The following GARRE1 variants were observed in gnomAD, a reference collection of about 807,000 sequenced individuals.
The protein encoded by GARRE1 is granule associated Rac and RHOG effector 1.
In GARRE1, 49 loss-of-function variants were observed where a neutral mutation model predicts 103.2. The observed-to-expected ratio is 0.47, with a 90% CI of 0.38 to 0.60. The LOEUF is 0.60. Among genes scored for constraint, GARRE1 ranks in the 20% least tolerant of loss-of-function variants. The probability of loss-of-function intolerance (pLI) is 0.00; values close to 1 mark genes in which losing one functional copy is unlikely to be tolerated. For synonymous variants in GARRE1, 505 were observed against 532.8 expected (o/e 0.95, Z 0.72); for missense variants, 1,199 against 1,370.5 (o/e 0.87, Z 1.98).
intron 3 of GARRE1, among the ~76,000 whole-genome samples, chr19:34,326,817 C>G (rs1263420205): frequency 6.6e-6 from 1 of 151,042 alleles, no homozygotes; most frequent in Non-Finnish European, 1.5e-5. Context: ...ATATATATAA[C>G]AAATAACAAG....
rs1293501774 is a variant in GARRE1, at chr19:34,279,153, C to T, written c.-795-20526C>T. On this transcript the variant is annotated intron_variant, in intron 1 of 13. Coordinates refer to ENST00000299505, the MANE Select transcript of GARRE1 (RefSeq NM_014686.5). ...CTTTCAGTTCTTTTGGGTAGATGCA[C>T]AGAAGTGGATTTCCTGAATCACATG... Among the ~76,000 whole-genome samples, 22 of 152,284 alleles carry T rather than the reference C, an allele frequency of 1.4e-4. No homozygotes were observed. The East Asian group carries it at 3.7e-3, about 25-fold the overall frequency.
intron 13 of GARRE1, 138 bp from the exon 14 acceptor site, chr19:34,352,509 T>A (rs2074243735): frequency 1.4e-6 from 1 of 699,300 alleles, no homozygotes; most frequent in East Asian, 2.5e-5. Flanking sequence ...TGCAAGAAGT[T>A]CTGTTGGACA....
At chr19:34,311,511 A>G (rs1171450632) in intron 2 of GARRE1, among the ~76,000 whole-genome samples, 2 of 152,180 alleles carry the variant, frequency 1.3e-5, no homozygotes, top group Non-Finnish European at 1.5e-5. Flanking sequence ...GCAGAAAGCT[A>G]GGAAGTGGGC....
At chr19:34,296,188 T>C (rs1258522455) in intron 1 of GARRE1, 8 of 394,446 alleles carry the variant, frequency 2.0e-5, no homozygotes, top group Non-Finnish European at 3.6e-5. Context: ...TTTGTACAAA[T>C]AGCACAGGAG....
Position 34,296,451 on chromosome 19 carries a change from T to C in GARRE1, c.-795-3228T>C, listed in dbSNP as rs184894959. ...CTTCCCAAGCTTGGGGTGGGCAATG[T>C]AGGCAAGTCGATCGAGCTTGTGGCT... On this transcript the variant is annotated intron_variant, in intron 1 of 13. Coordinates refer to ENST00000299505, the MANE Select transcript of GARRE1 (RefSeq NM_014686.5). 7.7e-4 allele frequency: 1,220 copies of C among 1,591,560 alleles called. 1 individual carries two copies. Among genetic ancestry groups the C allele is most frequent in the Admixed American group, 1.2e-3 (73 of 59,974 alleles).
At chr19:34,292,466 C>T (rs535303100) in intron 1 of GARRE1, among the ~76,000 whole-genome samples, 13 of 152,260 alleles carry the variant, frequency 8.5e-5, no homozygotes, top group African/African-American at 2.9e-4. Flanking sequence ...GGACATATTT[C>T]TTCGTTTCTC....
intron 3 of GARRE1, among the ~76,000 whole-genome samples, chr19:34,322,506 A>C (rs2074093823): frequency 6.6e-6 from 1 of 151,934 alleles, no homozygotes; most frequent in Non-Finnish European, 1.5e-5. Context: ...TTTAATACTT[A>C]TTTCTTTCCA....
At chr19:34,276,749 A>G (rs1052857171) in intron 1 of GARRE1, among the ~76,000 whole-genome samples, 9 of 152,220 alleles carry the variant, frequency 5.9e-5, no homozygotes, top group Non-Finnish European at 1.3e-4. Flanking sequence ...AGCTTGCTAT[A>G]GCAGCCAGTT....
At chr19:34,261,930 G>T (rs745647180) in intron 1 of GARRE1, among the ~76,000 whole-genome samples, 5 of 152,014 alleles carry the variant, frequency 3.3e-5, no homozygotes, top group Non-Finnish European at 7.4e-5. Context: ...ACCCTTTGAT[G>T]TAGGTACTTA....
intron 13 of GARRE1, 49 bp from the exon 14 acceptor site, chr19:34,352,595 AATG>A (rs2074244251): frequency 6.7e-7 from 1 of 1,482,968 alleles, no homozygotes; most frequent in Non-Finnish European, 9.3e-7. Flanking sequence ...GGAGGTGGGA[AATG>A]ATGATACATT....
At position 34,300,218 on chromosome 19, in the gene GARRE1, TAA is replaced by T. The variant is rs912171972; in HGVS notation, c.-254_-253del. 32 of 411,164 alleles carry T rather than the reference TAA, an allele frequency of 7.8e-5. No individual in the cohort carries two copies. The highest frequency in any genetic ancestry group is 5.8e-4 in the African/African-American group (29 of 49,634). 25.5% of individuals were successfully genotyped at this position (411,164 alleles called of 1,614,324 possible). Reference sequence around the variant, plus strand: ...TCCTTTTAGTAAGAGAGTGGAATGCTAAACAGTTCTTATCCAGCATTTTGGAC... The same window carrying T: ...TCCTTTTAGTAAGAGAGTGGAATGCTACAGTTCTTATCCAGCATTTTGGAC... On this transcript the variant is annotated 5_prime_UTR_variant, in exon 2 of 14. The change abolishes the stop of an existing upstream ORF in the 5' untranslated region. Transcript: ENST00000299505.
At chr19:34,261,789 A>G (rs1410143021) in intron 1 of GARRE1, among the ~76,000 whole-genome samples, 6 of 152,152 alleles carry the variant, frequency 3.9e-5, no homozygotes, top group Admixed American at 2.0e-4. Context: ...AGTCCTTGAA[A>G]TAACTAATAA....
At chr19:34,324,329 G>T (rs2074102301) in intron 3 of GARRE1, among the ~76,000 whole-genome samples, 1 of 151,908 alleles carries the variant, frequency 6.6e-6, no homozygotes. Flanking sequence ...GCTCCTTACT[G>T]CTCCTGGCAC....
chr19:34,325,500 G>A (rs1016690222), intron 3 of GARRE1, among the ~76,000 whole-genome samples: 2 of 152,056 alleles, frequency 1.3e-5, no homozygotes, highest in Admixed American at 6.6e-5. Context: ...CAGCATTTCC[G>A]TCATGTCTAC....
In GARRE1 at chr19:34,256,739, T is replaced by G. The variant is rs1599741966; in HGVS notation, c.-796+2125T>G. 2.0e-5 allele frequency among the ~76,000 whole-genome samples: 3 copies of G among 152,296 alleles called. No individual in the cohort carries two copies. The East Asian group carries it at 5.8e-4, about 29-fold the overall frequency. ...ATGTTTGTAAGGGCTACTTACAAAG[T>G]TCATATTTACATTTTGTGTGTGCTT... On this transcript the variant is annotated intron_variant, in intron 1 of 13. Coordinates refer to ENST00000299505, the MANE Select transcript of GARRE1 (RefSeq NM_014686.5).
chr19:34,256,192 G>A (rs910941193), intron 1 of GARRE1, among the ~76,000 whole-genome samples: 1 of 151,452 alleles, frequency 6.6e-6, no homozygotes, highest in Non-Finnish European at 1.5e-5. Context: ...GACATATTTG[G>A]ACAATTTTTC....
intron 1 of GARRE1, among the ~76,000 whole-genome samples, chr19:34,266,238 T>A (rs1348452367): frequency 3.3e-5 from 5 of 152,202 alleles, no homozygotes; most frequent in Non-Finnish European, 7.3e-5. Flanking sequence ...GCGGGCCTGC[T>A]CTCTGGGGCT....
Position 34,352,855 on chromosome 19 carries a change from C to T in GARRE1, c.3113C>T (p.Pro1038Leu). 1 of 1,541,292 alleles carries T rather than the reference C, an allele frequency of 6.5e-7. No homozygotes were observed. The highest frequency in any genetic ancestry group is 8.9e-7 in the Non-Finnish European group (1 of 1,123,036). The change falls in exon 14 of 14, where the codon CCC (proline) becomes CTC (leucine). Residue 1038 changes from proline (P) to leucine (L), a missense_variant. By Grantham distance (98) the Pro-to-Leu change is moderately conservative. Transcript: ENST00000299505. ...AAAFSYVQTP[P>L]QPPPPPAHKA... ...GCCTTCTCCTATGTGCAGACCCCAC[C>T]CCAGCCCCCACCCCCACCAGCACAC...
chr19:34,284,190 G>T (rs1236768480), intron 1 of GARRE1, among the ~76,000 whole-genome samples: 6 of 143,444 alleles, frequency 4.2e-5, no homozygotes, highest in Non-Finnish European at 9.0e-5. Flanking sequence ...GAGTGCGGTG[G>T]TGCAATCTCG....
Sources: gnomAD v4.1 joint callset for allele counts (sites outside exome capture counted in the v4.1 genomes callset) on GRCh38, gnomAD v4.1.1 for gene constraint, MANE v1.5 for transcripts, NCBI Gene and HGNC (gene_info 2026-07-23, HGNC 2026-07-21) for gene names.